Variants in SYT16 observed in about 807,000 individuals in gnomAD.
The protein encoded by SYT16 is synaptotagmin 16.
A neutral mutation model predicts 61.4 loss-of-function variants in SYT16; 42 were observed. That is an observed-to-expected ratio of 0.68 (90% CI 0.53 to 0.89). SYT16 has a LOEUF of 0.89. SYT16 is among the 40% of genes least tolerant of loss of function. The pLI is 0.00. For synonymous variants in SYT16, 314 were observed against 302.3 expected, an observed-to-expected ratio of 1.04 and a Z score of -0.40; for missense variants, 804 against 807.3, an observed-to-expected ratio of 1.00 and a Z score of 0.05.
chr14:61,904,057 C>T (rs530729593), intron 1 of SYT16, among the ~76,000 whole-genome samples: 27 of 152,242 alleles, frequency 1.8e-4, no homozygotes, highest in African/African-American at 4.3e-4. Context: ...GACTGGGACC[C>T]GAACTTTTCT....
At chr14:62,033,412 T>G (rs2054381662) in intron 3 of SYT16, among the ~76,000 whole-genome samples, 1 of 152,122 alleles carries the variant, frequency 6.6e-6, no homozygotes, top group Non-Finnish European at 1.5e-5. Flanking sequence ...ATGTGGTCTA[T>G]CCATCAAAGG....
intron 1 of SYT16, among the ~76,000 whole-genome samples, chr14:61,860,082 C>T (rs1025879082): frequency 6.6e-6 from 1 of 152,084 alleles, no homozygotes; most frequent in African/African-American, 2.4e-5. Flanking sequence ...CACTGTGGTT[C>T]AGTACGTTTT....
chr14:61,816,807 G>C (rs978924411), intron 1 of SYT16, among the ~76,000 whole-genome samples: 7 of 151,016 alleles, frequency 4.6e-5, no homozygotes, highest in African/African-American at 1.2e-4. Flanking sequence ...GTCAGGAGAT[G>C]AAGACCATCC....
intron 5 of SYT16, chr14:62,079,193 G>A (rs2056617620): frequency 4.1e-6 from 1 of 241,296 alleles, no homozygotes; most frequent in South Asian, 7.0e-5. Context: ...ACACTAGTCA[G>A]TTGTATTCAA....
Position 61,996,557 on chromosome 14 carries a change from C to G in SYT16, c.523+15C>G, listed in dbSNP as rs1170338961. 1.9e-6 allele frequency: 3 copies of G among 1,570,592 alleles called. No homozygotes were observed. ...AAAAAAGCAAGGTAAGCTAGCCAGTCATCATTTTCTCTGCGTTCCTCCAAA... is the reference window on the plus strand; with the variant it reads ...AAAAAAGCAAGGTAAGCTAGCCAGTGATCATTTTCTCTGCGTTCCTCCAAA... On this transcript the variant is annotated intron_variant, in intron 3 of 7. Coordinates refer to ENST00000683842, the MANE Select transcript of SYT16 (RefSeq NM_001367656.1).
intron 7 of SYT16, among the ~76,000 whole-genome samples, chr14:62,091,132 G>C (rs938714199): frequency 6.6e-6 from 1 of 152,056 alleles, no homozygotes; most frequent in Non-Finnish European, 1.5e-5. Flanking sequence ...AAAAAACCCA[G>C]TTACCTATAG....
At chr14:62,073,626 A>T (rs572475315) in intron 4 of SYT16, among the ~76,000 whole-genome samples, 3 of 152,318 alleles carry the variant, frequency 2.0e-5, no homozygotes, top group African/African-American at 7.2e-5. Context: ...GCCTGCTGTG[A>T]TTTTACAAAA....
At chr14:62,089,962 C>A (rs2057014514) in intron 7 of SYT16, among the ~76,000 whole-genome samples, 1 of 152,214 alleles carries the variant, frequency 6.6e-6, no homozygotes, top group Non-Finnish European at 1.5e-5. Context: ...AACAACTTTG[C>A]AGCTCTATTC....
chr14:61,911,466 T>C (rs1267661793), intron 1 of SYT16, among the ~76,000 whole-genome samples: 1 of 152,184 alleles, frequency 6.6e-6, no homozygotes, highest in Non-Finnish European at 1.5e-5. Flanking sequence ...CCCATCCTCA[T>C]TCAGCAAGGC....
At chr14:61,861,487 A>G (rs1176347704) in intron 1 of SYT16, among the ~76,000 whole-genome samples, 1 of 152,050 alleles carries the variant, frequency 6.6e-6, no homozygotes. Flanking sequence ...ATGACTCACT[A>G]CAGCCTTGAT....
intron 1 of SYT16, among the ~76,000 whole-genome samples, chr14:61,907,956 A>G (rs550441995): frequency 6.6e-6 from 1 of 152,260 alleles, no homozygotes; most frequent in Non-Finnish European, 1.5e-5. Context: ...CAAAGAACAC[A>G]GAGCATGAGA....
chr14:61,963,131 C>T (rs1253245700), intron 1 of SYT16, among the ~76,000 whole-genome samples: 2 of 152,136 alleles, frequency 1.3e-5, no homozygotes, highest in Non-Finnish European at 2.9e-5. Context: ...CCTTCCTATT[C>T]CTTGAGACAC....
At chr14:61,895,979 C>A (rs1036307188) in intron 1 of SYT16, among the ~76,000 whole-genome samples, 2 of 152,162 alleles carry the variant, frequency 1.3e-5, no homozygotes, top group Middle Eastern at 3.4e-3. Flanking sequence ...TCATGATTGC[C>A]CTCTGTTTGC....
intron 1 of SYT16, among the ~76,000 whole-genome samples, chr14:61,891,112 C>T (rs1441508557): frequency 2.0e-5 from 3 of 152,120 alleles, no homozygotes; most frequent in South Asian, 4.1e-4. Flanking sequence ...CCACTAATCA[C>T]TTCATTTTTC....
At position 61,992,471 on chromosome 14, in the gene SYT16, C is replaced by T. The variant is rs571322675; in HGVS notation, c.-144-3405C>T. On this transcript the variant is annotated intron_variant, in intron 2 of 7. Transcript: ENST00000683842. ...AGTTGCTGTTGTCCTGAAATTAGTT[C>T]CAAGCTGGTTGATAAATAGCCACCG... Among the ~76,000 whole-genome samples, 6 of 152,144 alleles carry T rather than the reference C, an allele frequency of 3.9e-5. No individual in the cohort carries two copies. In the South Asian group the frequency reaches 1.2e-3, roughly 32 times the overall value.
intron 3 of SYT16, among the ~76,000 whole-genome samples, chr14:62,014,720 C>G (rs955961157): frequency 6.6e-6 from 1 of 152,140 alleles, no homozygotes; most frequent in Non-Finnish European, 1.5e-5. Flanking sequence ...AGGCACGAGC[C>G]ATTGCGCCCG....
At chr14:61,897,187 G>C (rs2048354204) in intron 1 of SYT16, 1 of 152,230 alleles carries the variant, frequency 6.6e-6, no homozygotes, top group African/African-American at 2.4e-5. Flanking sequence ...CATTGGCAGA[G>C]ATGAGGAGTA....
At chr14:61,946,245 T>C (rs1238519004) in intron 1 of SYT16, among the ~76,000 whole-genome samples, 3 of 152,108 alleles carry the variant, frequency 2.0e-5, no homozygotes, top group African/African-American at 7.2e-5. Flanking sequence ...TGCAGCAACA[T>C]GGATGGAACT....
At chr14:61,993,678 C>T (rs562638133) in intron 2 of SYT16, among the ~76,000 whole-genome samples, 9 of 151,862 alleles carry the variant, frequency 5.9e-5, no homozygotes, top group African/African-American at 7.2e-5. Context: ...CTTTGAGTGG[C>T]GAAATGGGAT....
Sources: gnomAD v4.1 joint callset for allele counts (sites outside exome capture counted in the v4.1 genomes callset) on GRCh38, gnomAD v4.1.1 for gene constraint, MANE v1.5 for transcripts, NCBI Gene and HGNC (gene_info 2026-07-23, HGNC 2026-07-21) for gene names.